CAMKMT: variants seen among roughly 807,000 people sequenced by gnomAD.
CAMKMT encodes CaM KMT.
Under a neutral mutation model 48.0 loss-of-function variants are expected in CAMKMT, and 53 were observed. The ratio of observed to expected loss-of-function variants is 1.10; its 90% CI spans 0.89 to 1.39. The LOEUF is 1.39. Ranked by LOEUF, CAMKMT falls within the 40% of genes most tolerant of loss-of-function variation. CAMKMT has a pLI of 0.00. For missense variants in CAMKMT, 428 were observed against 402.7 expected (o/e 1.06, Z -0.54); for synonymous variants, 165 against 152.3 (o/e 1.08, Z -0.61).
intron 1 of CAMKMT, among the ~76,000 whole-genome samples, chr2:44,365,722 G>C (rs1264104564): frequency 6.6e-6 from 1 of 152,172 alleles, no homozygotes; most frequent in Non-Finnish European, 1.5e-5. Context: ...AACCTCACTA[G>C]AATTACATAG....
At chr2:44,566,889 TGTGTTTTTGC>T (rs1457296173) in intron 3 of CAMKMT, among the ~76,000 whole-genome samples, 4 of 152,236 alleles carry the variant, frequency 2.6e-5, no homozygotes, top group Non-Finnish European at 5.9e-5. Flanking sequence ...TTACTGTTAA[TGTGTTTTTGC>T]GGAGTTGGGC....
At chr2:44,432,782 G>A (rs940217470) in intron 3 of CAMKMT, among the ~76,000 whole-genome samples, 2 of 151,082 alleles carry the variant, frequency 1.3e-5, no homozygotes, top group Non-Finnish European at 1.5e-5. Context: ...CTGGTCTTCT[G>A]GTTGCTAATA....
intron 3 of CAMKMT, among the ~76,000 whole-genome samples, chr2:44,553,727 A>G (rs1667850766): frequency 6.6e-6 from 1 of 152,194 alleles, no homozygotes; most frequent in Admixed American, 6.5e-5. Context: ...ACTAATCAGC[A>G]TTAGATGGGA....
intron 3 of CAMKMT, among the ~76,000 whole-genome samples, chr2:44,402,313 AGC>A (rs752378584): frequency 0.43 from 61,692 of 142,110 alleles, 16,139 homozygotes; most frequent in Non-Finnish European, 0.59. Flanking sequence ...TGGGTGACAC[AGC>A]AAGACTCTGT....
At chr2:44,583,830 A>AGGAG (rs1361755539) in intron 3 of CAMKMT, among the ~76,000 whole-genome samples, 1 of 151,908 alleles carries the variant, frequency 6.6e-6, no homozygotes, top group Non-Finnish European at 1.5e-5. Context: ...GAAGGAAGGA[A>AGGAG]GGAGACAAAA....
chr2:44,392,772 T>G (rs1268732535), intron 3 of CAMKMT, among the ~76,000 whole-genome samples: 1 of 152,094 alleles, frequency 6.6e-6, no homozygotes, highest in Non-Finnish European at 1.5e-5. Context: ...TTAATTTTTC[T>G]ACTTCTAGCT....
chr2:44,579,433 C>G (rs896434979), intron 3 of CAMKMT, among the ~76,000 whole-genome samples: 10 of 152,140 alleles, frequency 6.6e-5, no homozygotes, highest in Admixed American at 5.2e-4. Context: ...CAAAATTGTC[C>G]CTGAATAAAA....
At chr2:44,763,759 G>A (rs1680716245) in intron 9 of CAMKMT, among the ~76,000 whole-genome samples, 1 of 152,216 alleles carries the variant, frequency 6.6e-6, no homozygotes, top group African/African-American at 2.4e-5. Flanking sequence ...CACATGCTTA[G>A]CTGCTGTCAC....
At chr2:44,692,725 G>A (rs932957700) in intron 3 of CAMKMT, among the ~76,000 whole-genome samples, 1 of 152,194 alleles carries the variant, frequency 6.6e-6, no homozygotes, top group Non-Finnish European at 1.5e-5. Flanking sequence ...GCTTTCTGCT[G>A]TAGCTTTTTA....
At chr2:44,375,065 A>G (rs924979455) in intron 2 of CAMKMT, among the ~76,000 whole-genome samples, 8 of 152,168 alleles carry the variant, frequency 5.3e-5, no homozygotes, top group Non-Finnish European at 7.3e-5. Flanking sequence ...CAGGATTTCA[A>G]GGCTGCAGTG....
At chr2:44,429,517 T>G (rs1684506873) in intron 3 of CAMKMT, among the ~76,000 whole-genome samples, 1 of 152,054 alleles carries the variant, frequency 6.6e-6, no homozygotes, top group Admixed American at 6.5e-5. Context: ...TTCCAAGGTT[T>G]TTGTTGTTGT....
intron 3 of CAMKMT, among the ~76,000 whole-genome samples, chr2:44,663,206 T>C (rs557860903): frequency 3.9e-4 from 59 of 152,322 alleles, no homozygotes; most frequent in Non-Finnish European, 6.0e-4. Context: ...AGGTCCTTTA[T>C]AGTGTTTTTG....
At chr2:44,712,275 A>G (rs2104294382) in intron 6 of CAMKMT, among the ~76,000 whole-genome samples, 1 of 152,238 alleles carries the variant, frequency 6.6e-6, no homozygotes, top group South Asian at 2.1e-4. Flanking sequence ...ATAAACCAAG[A>G]AAGTGGTGCT....
chr2:44,586,143 C>T (rs1448396160), intron 3 of CAMKMT, among the ~76,000 whole-genome samples: 1 of 152,190 alleles, frequency 6.6e-6, no homozygotes, highest in Non-Finnish European at 1.5e-5. Flanking sequence ...AATAGGCAGC[C>T]TTCTGCCCAA....
At chr2:44,592,150 A>G (rs968679621) in intron 3 of CAMKMT, among the ~76,000 whole-genome samples, 2 of 152,096 alleles carry the variant, frequency 1.3e-5, no homozygotes, top group African/African-American at 2.4e-5. Context: ...CCAGCATGGC[A>G]CATGTATACA....
At chr2:44,749,754 C>T (rs1222512420) in intron 8 of CAMKMT, among the ~76,000 whole-genome samples, 1 of 152,174 alleles carries the variant, frequency 6.6e-6, no homozygotes, top group African/African-American at 2.4e-5. Context: ...CAAGTTCCTC[C>T]CTTGTCTGAA....
chr2:44,422,945 C>T (rs1406312047), intron 3 of CAMKMT, among the ~76,000 whole-genome samples: 10 of 152,250 alleles, frequency 6.6e-5, no homozygotes, highest in South Asian at 2.1e-4. Flanking sequence ...TCAGAATCAA[C>T]GTGGTATGGT....
chr2:44,707,573 C>A, intron 6 of CAMKMT, 111 bp downstream of exon 6: 1 of 776,650 alleles, frequency 1.3e-6, no homozygotes, highest in East Asian at 2.9e-5. Flanking sequence ...GAGTTTCCCC[C>A]CTACATACAT....
At chr2:44,619,551 A>G (rs1285475132) in intron 3 of CAMKMT, among the ~76,000 whole-genome samples, 3 of 152,184 alleles carry the variant, frequency 2.0e-5, no homozygotes, top group Admixed American at 6.5e-5. Flanking sequence ...TACATTTTCT[A>G]CAGTTACATG....
Sources: allele counts gnomAD v4.1 joint callset (sites outside exome capture counted in the v4.1 genomes callset), GRCh38; gene constraint gnomAD v4.1.1; transcripts MANE v1.5; gene names NCBI Gene and HGNC (gene_info 2026-07-23, HGNC 2026-07-21).